TTLL4: variants seen among roughly 807,000 people sequenced by gnomAD.
The protein encoded by TTLL4 is tubulin tyrosine ligase like 4.
Under a neutral mutation model 122.7 loss-of-function variants are expected in TTLL4, and 85 were observed. That is an observed-to-expected ratio of 0.69 (90% confidence interval 0.58 to 0.83). TTLL4 has a LOEUF of 0.83. Among genes scored for constraint, TTLL4 ranks in the 40% least tolerant of loss-of-function variants. TTLL4 has a pLI of 0.00. For missense variants in TTLL4, 1,363 were observed against 1,488.6 expected (o/e 0.92, Z 1.39); for synonymous variants, 553 against 563.0 (o/e 0.98, Z 0.25).
chr2:218,740,234 A>G (rs992606404), intron 4 of TTLL4, 67 bp downstream of exon 4: 1 of 1,453,908 alleles, frequency 6.9e-7, no homozygotes, highest in East Asian at 2.3e-5. Context: ...GGGGCTGACA[A>G]TTGTGTACTA....
intron 15 of TTLL4, among the ~76,000 whole-genome samples, chr2:218,750,374 C>T (rs1204661839): frequency 6.6e-6 from 1 of 152,180 alleles, no homozygotes; most frequent in East Asian, 1.9e-4. Context: ...CAGATTTAAA[C>T]ATCTTAGGCA....
In TTLL4 at chr2:218,751,804, C is replaced by T. The variant is rs1179343706; in HGVS notation, c.2974C>T (p.Gln992Ter). 6.2e-7 allele frequency: 1 copy of T among 1,609,600 alleles called. No individual in the cohort carries two copies. The highest frequency in any genetic ancestry group is 8.5e-7 in the Non-Finnish European group (1 of 1,177,408). The stretch of plus-strand genomic sequence containing the variant: ...TTATCTGACCCAGAAAATTCCTGAT[C>T]AGGTAGGAGATTGGTCTTCCCCCCA... ...AYYLTQKIPDQDFYASVLDVL... is the reference protein window; with the variant it reads ...AYYLTQKIPD The change falls in exon 16 of 20, where the codon CAG (glutamine) becomes TAG (stop). Residue 992 changes from glutamine (Q) to a stop codon, truncating the protein, a stop_gained and splice_region_variant. Coordinates refer to ENST00000392102, the MANE Select transcript of TTLL4 (RefSeq NM_014640.5). LOFTEE classifies it high-confidence loss of function.
intron 1 of TTLL4, among the ~76,000 whole-genome samples, chr2:218,720,748 A>C (rs1942012023): frequency 6.6e-6 from 1 of 152,056 alleles, no homozygotes; most frequent in Non-Finnish European, 1.5e-5. Flanking sequence ...AACCTTCAGA[A>C]CTTGTAAGTG....
In TTLL4 at chr2:218,748,830, C is replaced by T; in HGVS notation, c.2502-6C>T. On this transcript the variant is annotated splice_region_variant and splice_polypyrimidine_tract_variant and intron_variant, in intron 12 of 19. Coordinates refer to ENST00000392102, the MANE Select transcript of TTLL4 (RefSeq NM_014640.5). Reference sequence around the variant, plus strand: ...ATTCCTAATACTTCCTCTTCCTCCTCTGCAGGGCACTGAAGGCTTTGTGGA... The same window carrying T: ...ATTCCTAATACTTCCTCTTCCTCCTTTGCAGGGCACTGAAGGCTTTGTGGA... 1.2e-6 allele frequency: 2 copies of T among 1,613,630 alleles called. No individual in the cohort carries two copies. The highest frequency in any genetic ancestry group is 3.3e-4 in the Middle Eastern group (2 of 6,060).
downstream of TTLL4, among the ~76,000 whole-genome samples, chr2:218,758,383 A>G (rs576654711): frequency 5.3e-4 from 80 of 152,346 alleles, no homozygotes; most frequent in Middle Eastern, 3.4e-3. Flanking sequence ...AGCACCTAAC[A>G]AGGTGCCTGA....
chr2:218,716,777 G>C lies in TTLL4; in HGVS notation c.-178+5740G>C, dbSNP rs140496374. 3.1e-3 allele frequency among the ~76,000 whole-genome samples: 479 copies of C among 152,152 alleles called. 1 individual carries two copies. The highest frequency in any genetic ancestry group is 0.011 in the African/African-American group (458 of 41,520). On this transcript the variant is annotated intron_variant, in intron 1 of 19. Coordinates refer to ENST00000392102, the MANE Select transcript of TTLL4 (RefSeq NM_014640.5). Reference sequence around the variant, plus strand: ...GCACTCCAGCCTGGCGACAGAGCGAGACTCTGTCTCAAAAAGAAAAAAAAA... The same window carrying C: ...GCACTCCAGCCTGGCGACAGAGCGACACTCTGTCTCAAAAAGAAAAAAAAA...
In TTLL4 at chr2:218,737,575, T is replaced by G; in HGVS notation, c.-98-4T>G. The G allele has an allele frequency of 7.4e-7, 1 of 1,350,428 alleles. No individual in the cohort carries two copies. Among genetic ancestry groups the G allele is most frequent in the Admixed American group, 2.3e-5 (1 of 43,554 alleles). The allele number at this position is 1,350,428 out of a possible 1,614,324, so 83.7% of individuals were successfully genotyped here. ...ACATTTCCTATCATTTCTCTCCACT[T>G]CAGACTGACAGACTTCAAGGATGCA... On this transcript the variant is annotated splice_polypyrimidine_tract_variant and splice_region_variant and intron_variant, in intron 2 of 19. Coordinates refer to ENST00000392102, the MANE Select transcript of TTLL4 (RefSeq NM_014640.5).
chr2:218,743,854 T>A (rs192472262), intron 5 of TTLL4, among the ~76,000 whole-genome samples: 458 of 152,250 alleles, frequency 3.0e-3, no homozygotes, highest in African/African-American at 9.7e-3. Context: ...TAATTTTGTA[T>A]TTTTAGTAGA....
intron 1 of TTLL4, among the ~76,000 whole-genome samples, chr2:218,715,532 CATA>C (rs1258009233): frequency 6.6e-6 from 1 of 152,176 alleles, no homozygotes; most frequent in Admixed American, 6.5e-5. Context: ...AGCATGTCAC[CATA>C]ATGAGTATTC....
intron 7 of TTLL4, 152 bp downstream of exon 7, chr2:218,745,953 C>A: frequency 1.1e-6 from 1 of 876,698 alleles, no homozygotes; most frequent in Non-Finnish European, 1.8e-6. Flanking sequence ...GCTCTGAAAT[C>A]CTGGACTGAG....
rs528566419 is a variant in TTLL4 at position 218,737,561 on chromosome 2, C to T, written c.-98-18C>T. The T allele has an allele frequency of 1.6e-6, 2 of 1,224,004 alleles. No individual in the cohort carries two copies. Among genetic ancestry groups the T allele is most frequent in the African/African-American group, 1.5e-5 (1 of 65,678 alleles). The allele number at this position is 1,224,004 out of a possible 1,614,324, so 75.8% of individuals were successfully genotyped here. On this transcript the variant is annotated intron_variant, in intron 2 of 19. Coordinates refer to ENST00000392102, the MANE Select transcript of TTLL4 (RefSeq NM_014640.5). ...CTCCTGGCACTGTAACATTTCCTAT[C>T]ATTTCTCTCCACTTCAGACTGACAG...
rs768757480 is a variant in TTLL4, at chr2:218,745,778, G to A, written c.1874G>A (p.Arg625Gln). ...AACATTGTCAAGCAGACCATTGGAC[G>A]GTCCCACTTCAAAATCAGCAAAAGT... is the stretch of plus-strand genomic sequence containing the variant. ...TPNIVKQTIG[R>Q]SHFKISKRND... is the part of the protein sequence containing the mutation. Residue 625 changes from arginine to glutamine, a missense_variant, in exon 7 of 20, where the codon CGG (arginine) becomes CAG (glutamine). By Grantham distance (43) the Arg-to-Gln change is conservative. This residue lies in a region of TTLL4 where 760 missense variants were observed against 808.4 expected (regional missense o/e 0.94). Coordinates refer to ENST00000392102, the MANE Select transcript of TTLL4 (RefSeq NM_014640.5). 2.0e-5 allele frequency: 33 copies of A among 1,613,294 alleles called. 1 individual carries two copies. In the South Asian group the frequency reaches 3.4e-4, roughly 17 times the overall value.
intron 4 of TTLL4, 33 bp from the exon 5 acceptor site, chr2:218,740,488 T>C: frequency 3.1e-6 from 5 of 1,611,624 alleles, no homozygotes; most frequent in South Asian, 1.1e-5. Flanking sequence ...CAGCCTCTTC[T>C]AGTCAGAATT....
chr2:218,737,781 A>G lies in TTLL4; in HGVS notation c.105A>G (p.Lys35=). 6.2e-7 allele frequency: 1 copy of G among 1,614,002 alleles called. No homozygotes were observed. Among genetic ancestry groups the G allele is most frequent in the Non-Finnish European group, 8.5e-7 (1 of 1,179,876 alleles). ...SGTVPATPPE[K]PSEGRVWPQA... is the part of the protein sequence containing the mutation. ...CAGTACCTGCCACGCCACCTGAGAA[A>G]CCCTCGGAGGGCAGAGTCTGGCCTC... The change falls in exon 3 of 20, where the codon AAA becomes AAG. Residue 35 remains lysine, a synonymous_variant. Transcript: ENST00000392102.
intron 2 of TTLL4, among the ~76,000 whole-genome samples, chr2:218,728,928 T>G (rs541134385): frequency 8.0e-4 from 88 of 109,378 alleles, no homozygotes; most frequent in African/African-American, 3.1e-3. Flanking sequence ...TCTATTTTTT[T>G]TTTTTTTTTT....
At chr2:218,753,277 G>T in intron 18 of TTLL4, 92 bp downstream of exon 18, 1 of 1,363,044 alleles carries the variant, frequency 7.3e-7, no homozygotes, top group East Asian at 2.3e-5. Flanking sequence ...GTATGTATAG[G>T]CCTCTCTCAC....
At chr2:218,727,894 A>T (rs1363016152) in intron 2 of TTLL4, 2 of 152,072 alleles carry the variant, frequency 1.3e-5, no homozygotes, top group African/African-American at 4.8e-5. Flanking sequence ...TTTCTTGTGG[A>T]TATATGTGTA....
chr2:218,711,729 ATAGAACAGGAAATAC>A (rs1457792556), intron 1 of TTLL4, among the ~76,000 whole-genome samples: 2 of 151,976 alleles, frequency 1.3e-5, no homozygotes, highest in Admixed American at 1.3e-4. Context: ...GTGTGCTGTG[ATAGAACAGGAAATAC>A]TTAATCCGGA....
At position 218,754,025 on chromosome 2, in the gene TTLL4, A is replaced by G. The variant is rs996506180; in HGVS notation, c.3345-109A>G. The G allele has an allele frequency of 8.0e-6, 12 of 1,496,770 alleles. No individual in the cohort carries two copies. In the African/African-American group the frequency reaches 1.1e-4, roughly 14 times the overall value. 92.7% of individuals were successfully genotyped at this position (1,496,770 alleles called of 1,614,324 possible). A position where few individuals can be genotyped will look rare whatever the true frequency, so the allele number is the denominator to read the frequency against. On this transcript the variant is annotated intron_variant, in intron 19 of 19. Transcript: ENST00000392102. ...TTACATTTCCATGTAATTTTGGCCT[A>G]CAACACTGTAATGTCGTGAATGCCT...
Sources: gnomAD v4.1 joint callset for allele counts (sites outside exome capture counted in the v4.1 genomes callset) on GRCh38, gnomAD v4.1.1 for gene constraint, gnomAD v4.1.1 regional missense constraint, MANE v1.5 for transcripts, NCBI Gene and HGNC (gene_info 2026-07-23, HGNC 2026-07-21) for gene names.